The following DIP2C variants were observed in gnomAD, a reference collection of about 807,000 sequenced individuals.
DIP2C encodes the protein DIP2 acetate--CoA ligase C (putative).
In DIP2C, 33 loss-of-function variants were observed where a neutral mutation model predicts 192.4. That is an observed-to-expected ratio of 0.17 (90% confidence interval 0.13 to 0.23). The LOEUF (loss-of-function observed/expected upper bound fraction) is 0.23, where lower values mean the gene tolerates loss of function less well. Ranked by LOEUF, DIP2C falls within the 10% of genes least tolerant of loss-of-function variation. The pLI is 1.00. For synonymous variants in DIP2C, 979 were observed against 864.1 expected, an observed-to-expected ratio of 1.13 and a Z score of -2.33; for missense variants, 1,537 against 2,110.1, an observed-to-expected ratio of 0.73 and a Z score of 5.32.
At chr10:670,050 T>G (rs1857347289) in intron 1 of DIP2C, among the ~76,000 whole-genome samples, 2 of 152,208 alleles carry the variant, frequency 1.3e-5, no homozygotes, top group Admixed American at 6.5e-5. Flanking sequence ...CAAAACAGCC[T>G]GTATGAAAGG....
intron 1 of DIP2C, among the ~76,000 whole-genome samples, chr10:582,154 C>CT (rs1850708989): frequency 6.6e-6 from 1 of 152,226 alleles, no homozygotes; most frequent in African/African-American, 2.4e-5. Context: ...CACCCACCCC[C>CT]TGCTACAAAA....
chr10:288,664 T>C (rs1190770365), intron 32 of DIP2C, among the ~76,000 whole-genome samples: 3 of 152,024 alleles, frequency 2.0e-5, no homozygotes, highest in Non-Finnish European at 4.4e-5. Context: ...ACTGGGAAAA[T>C]GACTCTGAGC....
rs1954525050 is a variant in DIP2C, at chr10:276,477, G to A, written c.*848C>T. ...TATTTCATATATATATATTTGTTGTGATACTATCCACGCAAGATAATACAA... is the reference window on the plus strand; with the variant it reads ...TATTTCATATATATATATTTGTTGTAATACTATCCACGCAAGATAATACAA... On this transcript the variant is annotated 3_prime_UTR_variant, in exon 37 of 37. Transcript: ENST00000280886. 6.6e-6 allele frequency: 1 copy of A among 152,558 alleles called. No homozygotes were observed. The highest frequency in any genetic ancestry group is 2.4e-5 in the African/African-American group (1 of 41,404). 9.5% of individuals were successfully genotyped at this position (152,558 alleles called of 1,614,324 possible). A position where few individuals can be genotyped will look rare whatever the true frequency, so the allele number is the denominator to read the frequency against.
chr10:560,649 A>G (rs964674128), intron 1 of DIP2C, among the ~76,000 whole-genome samples: 1 of 152,236 alleles, frequency 6.6e-6, no homozygotes, highest in Non-Finnish European at 1.5e-5. Context: ...CTAATAAAAT[A>G]TTAATTACCA....
chr10:433,411 T>C (rs1295148239), intron 4 of DIP2C, among the ~76,000 whole-genome samples: 1 of 152,206 alleles, frequency 6.6e-6, no homozygotes, highest in African/African-American at 2.4e-5. Flanking sequence ...GGGCAGTGGC[T>C]CATGCCTGTA....
chr10:381,643 G>C (rs547287643), intron 17 of DIP2C, among the ~76,000 whole-genome samples: 3 of 152,206 alleles, frequency 2.0e-5, no homozygotes, highest in African/African-American at 7.2e-5. Context: ...AGGGAGACAC[G>C]TCCTGCTCTT....
Position 276,594 on chromosome 10 carries a change from G to A in DIP2C, c.*731C>T, listed in dbSNP as rs1186012584. On this transcript the variant is annotated 3_prime_UTR_variant, in exon 37 of 37. Transcript: ENST00000280886. ...CTAAAGAGATCAAAATAAATTAAAC[G>A]TTTTGTACATAATTACATATTGAGG... is the stretch of plus-strand genomic sequence containing the variant. 73 of 152,534 alleles carry A rather than the reference G, an allele frequency of 4.8e-4. 1 individual carries two copies. Among genetic ancestry groups the A allele is most frequent in the South Asian group, 2.1e-4 (1 of 4,808 alleles). 9.4% of individuals were successfully genotyped at this position (152,534 alleles called of 1,614,324 possible).
chr10:660,845 G>A (rs1419461494), intron 1 of DIP2C, among the ~76,000 whole-genome samples: 1 of 152,154 alleles, frequency 6.6e-6, no homozygotes, highest in Non-Finnish European at 1.5e-5. Context: ...ATGAAGCGTG[G>A]CCGAGAGCTC....
chr10:582,450 G>C (rs1850730261), intron 1 of DIP2C, among the ~76,000 whole-genome samples: 1 of 152,198 alleles, frequency 6.6e-6, no homozygotes, highest in Non-Finnish European at 1.5e-5. Flanking sequence ...AGGCATGCTG[G>C]TGCGCGCCTG....
In DIP2C at chr10:440,431, C is replaced by T. The variant is rs1967635983; in HGVS notation, c.394+440G>A. On this transcript the variant is annotated intron_variant, in intron 4 of 36. Coordinates refer to ENST00000280886, the MANE Select transcript of DIP2C (RefSeq NM_014974.3). ...CAACTTGCAGGCAAAGTTTATGACCCGTGATTTGGGTAACTGCCTAAATTG... is the reference window on the plus strand; with the variant it reads ...CAACTTGCAGGCAAAGTTTATGACCTGTGATTTGGGTAACTGCCTAAATTG... 3.3e-5 allele frequency among the ~76,000 whole-genome samples: 5 copies of T among 152,132 alleles called. No individual in the cohort carries two copies. In the South Asian group the frequency reaches 8.3e-4, roughly 25 times the overall value.
chr10:439,932 A>C lies in DIP2C; in HGVS notation c.394+939T>G, dbSNP rs954037209. The stretch of plus-strand genomic sequence containing the variant: ...TGGTGTCAAAGTGGTGTGTAGCTTC[A>C]AAGTGGGATGTAAGGTGATTTAGGT... On this transcript the variant is annotated intron_variant, in intron 4 of 36. Coordinates refer to ENST00000280886, the MANE Select transcript of DIP2C (RefSeq NM_014974.3). Among the ~76,000 whole-genome samples, 12 of 152,318 alleles carry C rather than the reference A, an allele frequency of 7.9e-5. No homozygotes were observed. The East Asian group carries it at 2.1e-3, about 27-fold the overall frequency.
chr10:644,844 A>G (rs1266334596), intron 1 of DIP2C, among the ~76,000 whole-genome samples: 1 of 152,260 alleles, frequency 6.6e-6, no homozygotes, highest in Non-Finnish European at 1.5e-5. Flanking sequence ...CCTGGGCCTC[A>G]GACATACAAT....
chr10:565,319 G>A (rs1238023224), intron 1 of DIP2C, among the ~76,000 whole-genome samples: 1 of 138,590 alleles, frequency 7.2e-6, no homozygotes, highest in Non-Finnish European at 1.5e-5. Flanking sequence ...AGGAAACCAT[G>A]TGACTCCTAA....
At chr10:474,302 G>C (rs117840058) in intron 2 of DIP2C, among the ~76,000 whole-genome samples, 1 of 152,044 alleles carries the variant, frequency 6.6e-6, no homozygotes, top group Non-Finnish European at 1.5e-5. Context: ...TACAAATACC[G>C]TTCTATCTTA....
chr10:356,597 A>G, intron 23 of DIP2C, 91 bp from the exon 24 acceptor site: 1 of 1,056,792 alleles, frequency 9.5e-7, no homozygotes, highest in Non-Finnish European at 1.4e-6. Context: ...TCAAACCCAT[A>G]GAGGCTGAGT....
chr10:426,524 T>A (rs1412829030), intron 4 of DIP2C, among the ~76,000 whole-genome samples: 1 of 152,148 alleles, frequency 6.6e-6, no homozygotes, highest in Non-Finnish European at 1.5e-5. Flanking sequence ...TATCTGGAAA[T>A]ACAAAGGACC....
chr10:372,221 G>A (rs1262461094), intron 17 of DIP2C, among the ~76,000 whole-genome samples: 1 of 151,968 alleles, frequency 6.6e-6, no homozygotes, highest in Non-Finnish European at 1.5e-5. Context: ...GACTACAGGC[G>A]CCGCCACCAC....
chr10:515,013 C>T (rs1168712887), intron 1 of DIP2C, among the ~76,000 whole-genome samples: 1 of 152,158 alleles, frequency 6.6e-6, no homozygotes. Context: ...TCAGCTCCCA[C>T]CTGGTGAGCA....
At chr10:556,076 G>GCA (rs1848843638) in intron 1 of DIP2C, among the ~76,000 whole-genome samples, 1 of 145,524 alleles carries the variant, frequency 6.9e-6, no homozygotes, top group South Asian at 2.2e-4. Context: ...TCCCAGGACA[G>GCA]CACCCACCCA....
Sources: allele counts gnomAD v4.1 joint callset (sites outside exome capture counted in the v4.1 genomes callset), GRCh38; gene constraint gnomAD v4.1.1; transcripts MANE v1.5; gene names NCBI Gene and HGNC (gene_info 2026-07-23, HGNC 2026-07-21).